Variants in CCDC78 observed in about 807,000 individuals in gnomAD.
CCDC78 encodes coiled-coil domain containing 78.
In CCDC78, 78 loss-of-function variants were observed where a neutral mutation model predicts 61.9. The ratio of observed to expected loss-of-function variants is 1.26; its 90% CI spans 1.05 to 1.52. The LOEUF (loss-of-function observed/expected upper bound fraction) is 1.52, where lower values mean the gene tolerates loss of function less well. CCDC78 is among the 40% of genes most tolerant of loss of function. The pLI is 0.00. For missense variants in CCDC78, 737 were observed against 615.5 expected (o/e 1.20, Z -2.09); for synonymous variants, 287 against 251.9 (o/e 1.14, Z -1.32).
In CCDC78 at chr16:724,673, G is replaced by A. The variant is rs753039480; in HGVS notation, c.765+8C>T. ...CCCTAGGCCTCAGGGTGCTCCTGCA[G>A]GGCTCACCACTGCCTGCCAGGCGCA... is the stretch of plus-strand genomic sequence containing the variant. On this transcript the variant is annotated splice_region_variant and intron_variant, in intron 8 of 13. Coordinates refer to ENST00000345165, the MANE Select transcript of CCDC78 (RefSeq NM_001378030.1). The A allele has an allele frequency of 1.2e-6, 2 of 1,608,676 alleles. No homozygotes were observed. The highest frequency in any genetic ancestry group is 2.2e-5 in the East Asian group (1 of 44,836).
chr16:725,196 G>C, intron 5 of CCDC78, 41 bp downstream of exon 5: 11 of 1,611,362 alleles, frequency 6.8e-6, no homozygotes, highest in Non-Finnish European at 9.3e-6. Context: ...TGGGGTCTCT[G>C]GTGCTGCCCT....
chr16:724,447 C>T lies in CCDC78; in HGVS notation c.828G>A (p.Ala276=), dbSNP rs746959349. 19 of 1,604,952 alleles carry T rather than the reference C, an allele frequency of 1.2e-5. No individual in the cohort carries two copies. Among genetic ancestry groups the T allele is most frequent in the Non-Finnish European group, 1.5e-5 (18 of 1,179,804 alleles). ...ATTALRTFLE[A]TLEDIRAAHR... is the part of the protein sequence containing the mutation. ...GCGCTGCCCGGATGTCCTCCAGAGT[C>T]GCCTCCAGGAATGTCCGGAGGGCCG... The change falls in exon 9 of 14, where the codon GCG becomes GCA. Residue 276 remains alanine, a synonymous_variant. Transcript: ENST00000345165.
intron 6 of CCDC78, 22 bp downstream of exon 6, chr16:725,043 TCCAGGATGGGGCC>T (rs2040725053): frequency 6.2e-7 from 1 of 1,612,528 alleles, no homozygotes; most frequent in Non-Finnish European, 8.5e-7. Context: ...TTCTCTCTGC[TCCAGGATGGGGCC>T]CCAGGTGAGA....
intron 11 of CCDC78, 87 bp downstream of exon 11, chr16:723,767 TTGG>T (rs1020256693): frequency 1.4e-5 from 17 of 1,200,806 alleles, no homozygotes; most frequent in Non-Finnish European, 2.0e-5. Context: ...TGGCGGGGGC[TTGG>T]TGGAGCAACT....
Position 723,896 on chromosome 16 carries a change from C to A in CCDC78, c.1094G>T (p.Arg365Ile). 1 of 1,600,798 alleles carries A rather than the reference C, an allele frequency of 6.2e-7. No homozygotes were observed. The highest frequency in any genetic ancestry group is 8.5e-7 in the Non-Finnish European group (1 of 1,173,920). ...PGALLSSPKK[R>I]PGGASQGGTS... ...TCCCCCCTGGGAGGCTCCACCGGGT[C>A]TCTTTTTTGGGGATGAGAGCAGTGC... Residue 365 changes from arginine (R) to isoleucine (I), a missense_variant, in exon 11 of 14, where the codon AGA becomes ATA. By Grantham distance (97) the Arg-to-Ile change is moderately conservative. Coordinates refer to ENST00000345165, the MANE Select transcript of CCDC78 (RefSeq NM_001378030.1).
Position 724,318 on chromosome 16 carries a change from C to T in CCDC78, c.953+4G>A, listed in dbSNP as rs746174565. ...CTGACACCTCCCATCCCAGCGGGGC[C>T]CACCTGTAGGCAACCAGTAGCTCTT... On this transcript the variant is annotated splice_donor_region_variant and intron_variant, in intron 9 of 13. Coordinates refer to ENST00000345165, the MANE Select transcript of CCDC78 (RefSeq NM_001378030.1). 8.1e-6 allele frequency: 13 copies of T among 1,609,442 alleles called. No homozygotes were observed. Among genetic ancestry groups the T allele is most frequent in the Non-Finnish European group, 1.0e-5 (12 of 1,177,576 alleles).
In CCDC78 at chr16:722,779, C is replaced by T. The variant is rs765383192; in HGVS notation, c.1312G>A (p.Glu438Lys). The change falls in exon 14 of 14, where the codon GAA (glutamate) becomes AAA (lysine). Residue 438 changes from glutamate to lysine, a missense_variant. Physicochemically the swap from Glu to Lys is moderately conservative, Grantham distance 56 (BLOSUM62 1). Transcript: ENST00000345165. The stretch of plus-strand genomic sequence containing the variant: ...GCCAGCTTCCTCAGCCTCAGGATTT[C>T]GTGCTTGTACCTGCTCAGAGGAACC... ...VDQHLGRYKH[E>K]ILRLRKLAGA... 7.5e-5 allele frequency: 121 copies of T among 1,612,508 alleles called. No homozygotes were observed. The highest frequency in any genetic ancestry group is 1.1e-4 in the East Asian group (5 of 44,888).
At position 725,550 on chromosome 16, in the gene CCDC78, G is replaced by T. The variant is rs1389037691; in HGVS notation, c.298C>A (p.Leu100Met). ...ILRLESRVLELELRGDGTSQG... is the reference protein window; with the variant it reads ...ILRLESRVLEMELRGDGTSQG... ...CTGGTGCCATCTCCTCGCAGCTCCA[G>T]CTCCAGTACCCGGCTCTCCAGCCGA... is the stretch of plus-strand genomic sequence containing the variant. Residue 100 changes from leucine to methionine, a missense_variant, in exon 4 of 14, where the codon CTG (leucine) becomes ATG (methionine). Physicochemically the swap from Leu to Met is conservative, Grantham distance 15. Coordinates refer to ENST00000345165, the MANE Select transcript of CCDC78 (RefSeq NM_001378030.1). 2 of 1,611,178 alleles carry T rather than the reference G, an allele frequency of 1.2e-6. No homozygotes were observed. Among genetic ancestry groups the T allele is most frequent in the African/African-American group, 1.3e-5 (1 of 75,064 alleles).
intron 10 of CCDC78, 44 bp downstream of exon 10, chr16:724,061 TG>T: frequency 2.1e-6 from 1 of 485,370 alleles, no homozygotes; most frequent in Non-Finnish European, 2.8e-6. Context: ...AGTGGGTGGG[TG>T]GGGGGCACCC....
Position 724,527 on chromosome 16 carries a change from G to C in CCDC78, c.766-18C>G. On this transcript the variant is annotated intron_variant, in intron 8 of 13. Transcript: ENST00000345165. ...GCGTGCTCCTGGAGGCGGCGGGCTG[G>C]GTCCGCATGGGGCCCACCCCCCATC... is the stretch of plus-strand genomic sequence containing the variant. The C allele has an allele frequency of 1.3e-6, 2 of 1,584,792 alleles. No individual in the cohort carries two copies. Among genetic ancestry groups the C allele is most frequent in the Non-Finnish European group, 1.7e-6 (2 of 1,173,016 alleles).
At chr16:724,614 A>C in intron 8 of CCDC78, 67 bp downstream of exon 8, 1 of 1,577,914 alleles carries the variant, frequency 6.3e-7, no homozygotes, top group South Asian at 1.1e-5. Context: ...GGTCTCCCTG[A>C]AGCTATCCAG....
chr16:723,202 G>C, intron 11 of CCDC78, 41 bp from the exon 12 acceptor site: 5 of 1,599,360 alleles, frequency 3.1e-6, no homozygotes, highest in Non-Finnish European at 4.3e-6. Flanking sequence ...TTGAGAGCTG[G>C]CATGGTGACA....
intron 7 of CCDC78, 45 bp downstream of exon 7, chr16:724,866 G>A: frequency 6.2e-7 from 1 of 1,603,214 alleles, no homozygotes; most frequent in South Asian, 1.1e-5. Context: ...GAGCTTCTGG[G>A]GCCCCCACCC....
chr16:726,231 C>T, intron 1 of CCDC78, 77 bp downstream of exon 1: 2 of 1,550,154 alleles, frequency 1.3e-6, no homozygotes, highest in Non-Finnish European at 8.7e-7. Flanking sequence ...GGTGCAGGAA[C>T]CTGCACCCTC....
chr16:722,705 G>A lies in CCDC78; in HGVS notation c.1386C>T (p.Pro462=). ...AGTGGCTGCCGGTCCTTGGATGCTG[G>A]GGCTTGGCTGGAGGCACAGCCCCCA... The part of the protein sequence containing the change: ...WKVGAVPPAK[P]QHPRTGSH Residue 462 remains proline (P), a synonymous_variant, in exon 14 of 14, where the codon CCC becomes CCT. Coordinates refer to ENST00000345165, the MANE Select transcript of CCDC78 (RefSeq NM_001378030.1). 6.2e-7 allele frequency: 1 copy of A among 1,609,388 alleles called. No homozygotes were observed. Among genetic ancestry groups the A allele is most frequent in the Non-Finnish European group, 8.5e-7 (1 of 1,179,906 alleles).
chr16:725,822 T>A lies in CCDC78; in HGVS notation c.239A>T (p.Glu80Val), dbSNP rs1219003549. ...ACTCTTCAGCTGGAAGATTTCAGCC[T>A]CATGCTGCTCATGTAGGTGGTGGGT... ...ITTHHLHEQH[E>V]AEIFQLKSEI... Residue 80 changes from glutamate to valine, a missense_variant, in exon 3 of 14, where the codon GAG becomes GTG. Transcript: ENST00000345165. 2 of 1,610,430 alleles carry A rather than the reference T, an allele frequency of 1.2e-6. No homozygotes were observed. Among genetic ancestry groups the A allele is most frequent in the South Asian group, 2.2e-5 (2 of 90,340 alleles).
upstream of CCDC78, chr16:726,651 G>A (rs1360039213): frequency 3.4e-5 from 18 of 524,280 alleles, no homozygotes; most frequent in Non-Finnish European, 5.8e-5. Context: ...AAAGCGCCCA[G>A]CCTGGGCGCA....
In CCDC78 at chr16:724,105, C is replaced by T. The variant is rs774507863; in HGVS notation, c.1053+1G>A. 8 of 1,590,626 alleles carry T rather than the reference C, an allele frequency of 5.0e-6. No homozygotes were observed. The highest frequency in any genetic ancestry group is 1.1e-5 in the South Asian group (1 of 87,556). On this transcript the variant is annotated splice_donor_variant, in intron 10 of 13. Transcript: ENST00000345165. LOFTEE classifies it high-confidence loss of function. ...GAGCTTCTGGGGGTCTCTAGCCTCACCTGGTCCTCCCGATGGCTGAAGTCA... is the reference window on the plus strand; with the variant it reads ...GAGCTTCTGGGGGTCTCTAGCCTCATCTGGTCCTCCCGATGGCTGAAGTCA...
At position 724,758 on chromosome 16, in the gene CCDC78, C is replaced by T. The variant is rs375089115; in HGVS notation, c.688G>A (p.Ala230Thr). The change falls in exon 8 of 14, where the codon GCC becomes ACC. Residue 230 changes from alanine (A) to threonine (T), a missense_variant. Physicochemically the swap from Ala to Thr is moderately conservative, Grantham distance 58. Transcript: ENST00000345165. ...TTCTTGAGCTGCAGCTGCAGCCGGGCATTTTCAGCCTCTGCCTGACGGAGC... is the reference window on the plus strand; with the variant it reads ...TTCTTGAGCTGCAGCTGCAGCCGGGTATTTTCAGCCTCTGCCTGACGGAGC... The part of the protein sequence containing the change: ...GQLRQAEAEN[A>T]RLQLQLKKLK... 5.0e-6 allele frequency: 8 copies of T among 1,612,138 alleles called. No homozygotes were observed. In the Admixed American group the frequency reaches 6.7e-5, roughly 13 times the overall value.
Sources: gnomAD v4.1 joint callset for allele counts on GRCh38, gnomAD v4.1.1 for gene constraint, MANE v1.5 for transcripts, NCBI Gene and HGNC (gene_info 2026-07-23, HGNC 2026-07-21) for gene names.